The following PTPRD variants were observed in gnomAD, a reference collection of about 807,000 sequenced individuals.
PTPRD encodes protein tyrosine phosphatase receptor type D, also known as receptor-type tyrosine-protein phosphatase delta.
Under a neutral mutation model 214.5 loss-of-function variants are expected in PTPRD, and 34 were observed. The ratio of observed to expected loss-of-function variants is 0.16; its 90% CI spans 0.12 to 0.21. The LOEUF (loss-of-function observed/expected upper bound fraction) is 0.21. Ranked by LOEUF, PTPRD falls within the 10% of genes least tolerant of loss-of-function variation. The probability of loss-of-function intolerance (pLI) is 1.00; values close to 1 mark genes in which losing one functional copy is unlikely to be tolerated. For missense variants in PTPRD, 2,545 were observed against 2,398.7 expected (o/e 1.06, Z -1.27); for synonymous variants, 1,128 against 845.7 (o/e 1.33, Z -5.79).
chr9:8,969,639 T>G (rs951975085), intron 11 of PTPRD, among the ~76,000 whole-genome samples: 2 of 151,948 alleles, frequency 1.3e-5, no homozygotes, highest in Admixed American at 6.6e-5. Context: ...TATTAGAATA[T>G]TGGCTATTAG....
intron 34 of PTPRD, among the ~76,000 whole-genome samples, chr9:8,441,051 T>G (rs942225447): frequency 6.6e-6 from 1 of 152,100 alleles, no homozygotes; most frequent in Non-Finnish European, 1.5e-5. Context: ...TCTCCACAGA[T>G]GGAATGGGCT....
chr9:9,912,095 G>GA (rs1601855612), intron 5 of PTPRD, among the ~76,000 whole-genome samples: 1 of 152,054 alleles, frequency 6.6e-6, no homozygotes, highest in African/African-American at 2.4e-5. Flanking sequence ...GTAAGTGGGG[G>GA]AAAAATACTA....
rs552209162 is a variant in PTPRD, at chr9:8,483,146, C to A, written c.3413+973G>T. ...GTTATTCAACCAACTAGCTATATGT[C>A]CTTGGACAAACTTATTTAATTGACT... is the stretch of plus-strand genomic sequence containing the variant. On this transcript the variant is annotated intron_variant, in intron 30 of 45. Transcript: ENST00000381196. Among the ~76,000 whole-genome samples the A allele has an allele frequency of 9.2e-5, 14 of 152,264 alleles. No homozygotes were observed. The South Asian group carries it at 2.5e-3, about 27-fold the overall frequency.
chr9:10,439,867 C>T (rs1414006317), intron 2 of PTPRD, among the ~76,000 whole-genome samples: 1 of 151,600 alleles, frequency 6.6e-6, no homozygotes, highest in Non-Finnish European at 1.5e-5. Flanking sequence ...TTCATTTACA[C>T]TGTACTGTTT....
At chr9:8,714,382 T>G (rs953830679) in intron 12 of PTPRD, among the ~76,000 whole-genome samples, 1 of 152,204 alleles carries the variant, frequency 6.6e-6, no homozygotes, top group Non-Finnish European at 1.5e-5. Flanking sequence ...ACTAGTCATA[T>G]TCCTTTGAGC....
At chr9:8,641,700 C>A (rs2096580442) in intron 12 of PTPRD, among the ~76,000 whole-genome samples, 1 of 152,196 alleles carries the variant, frequency 6.6e-6, no homozygotes, top group African/African-American at 2.4e-5. Flanking sequence ...ACAACACAGG[C>A]CATAGCTCCT....
At chr9:8,936,539 C>A (rs1216444708) in intron 11 of PTPRD, among the ~76,000 whole-genome samples, 2 of 150,244 alleles carry the variant, frequency 1.3e-5, no homozygotes, top group East Asian at 4.0e-4. Context: ...TATGCAGCAA[C>A]TATAATTGGT....
rs149139789 is a variant in PTPRD at position 8,790,163 on chromosome 9, C to T, written c.-103-56217G>A. 3.2e-3 allele frequency among the ~76,000 whole-genome samples: 491 copies of T among 151,936 alleles called. 2 individuals carry two copies. The highest frequency in any genetic ancestry group is 9.0e-3 in the African/African-American group (372 of 41,430). ...TCCTGAATAGCTGGGACTACAGGCA[C>T]GCATCACTATGCCTAATATTTTTTT... is the stretch of plus-strand genomic sequence containing the variant. On this transcript the variant is annotated intron_variant, in intron 11 of 45. Transcript: ENST00000381196.
intron 11 of PTPRD, among the ~76,000 whole-genome samples, chr9:8,917,834 C>T (rs2098797554): frequency 6.6e-6 from 1 of 152,108 alleles, no homozygotes; most frequent in Non-Finnish European, 1.5e-5. Flanking sequence ...TTGCTAGAGA[C>T]CATTTGATGG....
At chr9:8,630,944 C>T (rs2096233518) in intron 14 of PTPRD, among the ~76,000 whole-genome samples, 1 of 151,888 alleles carries the variant, frequency 6.6e-6, no homozygotes, top group South Asian at 2.1e-4. Flanking sequence ...AGTGAGAAAA[C>T]TCAAAAACGT....
intron 2 of PTPRD, among the ~76,000 whole-genome samples, chr9:10,463,379 G>T (rs1039442150): frequency 6.6e-6 from 1 of 152,048 alleles, no homozygotes; most frequent in Non-Finnish European, 1.5e-5. Context: ...TTAATAGAGA[G>T]AGACAGAGGA....
At chr9:10,513,893 G>A (rs1221003793) in intron 2 of PTPRD, among the ~76,000 whole-genome samples, 1 of 152,136 alleles carries the variant, frequency 6.6e-6, no homozygotes, top group Non-Finnish European at 1.5e-5. Context: ...ATACCAGGAT[G>A]AGCCATGGTA....
chr9:8,953,920 C>G (rs146032732), intron 11 of PTPRD, among the ~76,000 whole-genome samples: 2 of 151,810 alleles, frequency 1.3e-5, no homozygotes, highest in Admixed American at 1.3e-4. Context: ...CCTGCCACTG[C>G]GGAAAGCAGT....
chr9:10,067,949 A>C (rs957359361), intron 3 of PTPRD, among the ~76,000 whole-genome samples: 2 of 151,938 alleles, frequency 1.3e-5, no homozygotes, highest in African/African-American at 4.8e-5. Flanking sequence ...AGTTGGGAAG[A>C]GATGGCTCTT....
chr9:10,267,293 A>G (rs527716305), intron 3 of PTPRD, among the ~76,000 whole-genome samples: 1 of 152,280 alleles, frequency 6.6e-6, no homozygotes, highest in South Asian at 2.1e-4. Context: ...TAAATAAAAA[A>G]TAGATATACA....
intron 2 of PTPRD, among the ~76,000 whole-genome samples, chr9:10,499,906 A>T (rs2043157725): frequency 6.6e-6 from 1 of 151,946 alleles, no homozygotes; most frequent in Admixed American, 6.6e-5. Flanking sequence ...ATTTTAAAAA[A>T]TTACAAAATT....
intron 8 of PTPRD, among the ~76,000 whole-genome samples, chr9:9,423,087 G>A (rs1008047210): frequency 2.0e-5 from 3 of 152,110 alleles, no homozygotes; most frequent in African/African-American, 4.8e-5. Flanking sequence ...GTTCTTGTTT[G>A]GAGGGATATA....
At chr9:10,270,168 T>C (rs1251037004) in intron 3 of PTPRD, among the ~76,000 whole-genome samples, 1 of 152,130 alleles carries the variant, frequency 6.6e-6, no homozygotes. Flanking sequence ...GAAATATAAT[T>C]ACATACATAT....
At chr9:10,448,112 G>A (rs906645398) in intron 2 of PTPRD, among the ~76,000 whole-genome samples, 4 of 152,010 alleles carry the variant, frequency 2.6e-5, no homozygotes, top group Non-Finnish European at 5.9e-5. Context: ...TTACGCAATT[G>A]TAACTGAGGC....
Sources: gnomAD v4.1 joint callset for allele counts (sites outside exome capture counted in the v4.1 genomes callset) on GRCh38, gnomAD v4.1.1 for gene constraint, MANE v1.5 for transcripts, NCBI Gene and HGNC (gene_info 2026-07-23, HGNC 2026-07-21) for gene names.